The following BACE2 variants were observed in gnomAD, a reference collection of about 807,000 sequenced individuals.
BACE2 encodes the protein 56 kDa aspartic-like protease.
A neutral mutation model predicts 46.2 loss-of-function variants in BACE2; 17 were observed. That is an observed-to-expected ratio of 0.37 (90% CI 0.25 to 0.55). The LOEUF is 0.55. BACE2 is among the 20% of genes least tolerant of loss of function. The pLI is 0.82. For missense variants in BACE2, 595 were observed against 698.1 expected (o/e 0.85, Z 1.66); for synonymous variants, 277 against 295.9 (o/e 0.94, Z 0.66).
intron 3 of BACE2, among the ~76,000 whole-genome samples, chr21:41,237,942 G>T (rs2837977): frequency 6.6e-6 from 1 of 152,104 alleles, no homozygotes; most frequent in Non-Finnish European, 1.5e-5. Flanking sequence ...TGTAAGACAG[G>T]CAATAGCATT....
intron 1 of BACE2, among the ~76,000 whole-genome samples, chr21:41,224,542 G>T (rs1234001496): frequency 6.6e-6 from 1 of 152,140 alleles, no homozygotes; most frequent in Admixed American, 6.5e-5. Flanking sequence ...AACCTTTTGG[G>T]CTATATCTAC....
rs116152002 is a variant in BACE2, at chr21:41,274,802, G to A, written c.1304-569G>A. Among the ~76,000 whole-genome samples, 1,522 of 152,270 alleles carry A rather than the reference G, an allele frequency of 1.0e-2. 22 individuals are homozygous for A. Among genetic ancestry groups the A allele is most frequent in the African/African-American group, 0.035 (1,450 of 41,544 alleles). ...GGGGCAGGGAGGGTCTCTCAAGCCA[G>A]CCTGACCCCCGGAGGTCTCACAACC... On this transcript the variant is annotated intron_variant, in intron 8 of 8. Transcript: ENST00000330333.
At chr21:41,170,933 T>G (rs918877579) in intron 1 of BACE2, among the ~76,000 whole-genome samples, 7 of 152,122 alleles carry the variant, frequency 4.6e-5, no homozygotes, top group African/African-American at 1.7e-4. Context: ...TTATACGCAT[T>G]TGGGGGTGGG....
At chr21:41,256,661 T>G (rs1264757392) in intron 7 of BACE2, among the ~76,000 whole-genome samples, 1 of 152,224 alleles carries the variant, frequency 6.6e-6, no homozygotes, top group East Asian at 1.9e-4. Flanking sequence ...AGCCCCACTT[T>G]GACTTGTCCT....
chr21:41,209,648 A>G (rs1077339), intron 1 of BACE2, among the ~76,000 whole-genome samples: 49,592 of 152,018 alleles, frequency 0.33, 8,772 homozygotes, highest in Middle Eastern at 0.45. Flanking sequence ...CTCTTTATTA[A>G]CCCAGGGTAC....
chr21:41,239,230 C>T (rs1048151865), intron 3 of BACE2, among the ~76,000 whole-genome samples: 1 of 152,082 alleles, frequency 6.6e-6, no homozygotes, highest in East Asian at 1.9e-4. Flanking sequence ...GCCCTTGGCC[C>T]CTCCAAGGAG....
rs111742458 is a variant in BACE2 at position 41,199,488 on chromosome 21, C to G, written c.313-26778C>G. Among the ~76,000 whole-genome samples the G allele has an allele frequency of 6.6e-3, 1,008 of 152,160 alleles. 4 individuals are homozygous for G. Among genetic ancestry groups the G allele is most frequent in the African/African-American group, 0.023 (936 of 41,506 alleles). On this transcript the variant is annotated intron_variant, in intron 1 of 8. Transcript: ENST00000330333. ...GACGGAAGTGTCTTGTCTGGGTGCC[C>G]CGGGGAAAGTAGTACCACCCAGTGT... is the stretch of plus-strand genomic sequence containing the variant.
intron 6 of BACE2, among the ~76,000 whole-genome samples, chr21:41,247,843 G>A (rs79766648): frequency 0.02 from 3,075 of 152,330 alleles, 118 homozygotes; most frequent in African/African-American, 0.068. Flanking sequence ...GGCAGGGAAA[G>A]CATCACAAGG....
chr21:41,244,864 T>TGTGTGTGTGTGTGTGTGA, intron 5 of BACE2, among the ~76,000 whole-genome samples: 1 of 81,512 alleles, frequency 1.2e-5, no homozygotes, highest in East Asian at 4.2e-4. Flanking sequence ...ACAAAACCTC[T>TGTGTGTGTGTGTGTGTGA]GTGTGTGTGT....
At chr21:41,258,857 T>C (rs1283640477) in intron 8 of BACE2, among the ~76,000 whole-genome samples, 4 of 152,214 alleles carry the variant, frequency 2.6e-5, no homozygotes, top group Admixed American at 2.6e-4. Flanking sequence ...TGTGTAAATG[T>C]TTACCTTATG....
At chr21:41,213,810 C>T (rs751613392) in intron 1 of BACE2, among the ~76,000 whole-genome samples, 19 of 152,018 alleles carry the variant, frequency 1.2e-4, no homozygotes, top group Admixed American at 2.0e-4. Context: ...GGGCAGGGCC[C>T]GGCATGGGGA....
At chr21:41,245,830 C>T in intron 5 of BACE2, 132 bp from the exon 6 acceptor site, 5 of 623,210 alleles carry the variant, frequency 8.0e-6, no homozygotes, top group South Asian at 5.9e-5. Flanking sequence ...GAATGAACTA[C>T]ACAGTCCATG....
intron 1 of BACE2, chr21:41,180,293 G>A (rs1985066072): frequency 5.7e-6 from 1 of 175,758 alleles, no homozygotes; most frequent in Non-Finnish European, 1.4e-5. Context: ...GAGTGCCTGA[G>A]CCCCACTTCC....
At chr21:41,206,144 A>G (rs1009100767) in intron 1 of BACE2, among the ~76,000 whole-genome samples, 7 of 152,164 alleles carry the variant, frequency 4.6e-5, no homozygotes, top group Admixed American at 2.6e-4. Context: ...ATGTCAATGT[A>G]TTTCTCTTAG....
Position 41,174,029 on chromosome 21 carries a change from G to A in BACE2, c.312+5454G>A, listed in dbSNP as rs567887169. Among the ~76,000 whole-genome samples, 100 of 150,940 alleles carry A rather than the reference G, an allele frequency of 6.6e-4. No individual in the cohort carries two copies. The South Asian group carries it at 8.6e-3, about 13-fold the overall frequency. On this transcript the variant is annotated intron_variant, in intron 1 of 8. Transcript: ENST00000330333. ...ATACTCATCCCTGATCTCCTTGTGT[G>A]ATCTCCTTGTTGTAGGTAAGTTGGC...
At chr21:41,275,232 C>A in intron 8 of BACE2, 139 bp from the exon 9 acceptor site, 1 of 1,189,182 alleles carries the variant, frequency 8.4e-7, no homozygotes, top group Non-Finnish European at 1.2e-6. Flanking sequence ...CCACTCAGTG[C>A]TTCCTGAGCT....
At chr21:41,249,632 C>G (rs373357301) in intron 6 of BACE2, among the ~76,000 whole-genome samples, 3 of 152,200 alleles carry the variant, frequency 2.0e-5, no homozygotes, top group African/African-American at 7.2e-5. Context: ...ACCTCCCCAG[C>G]GCCTGCTTGG....
At chr21:41,231,347 G>T (rs1259622606) in intron 2 of BACE2, among the ~76,000 whole-genome samples, 4 of 152,144 alleles carry the variant, frequency 2.6e-5, no homozygotes, top group Admixed American at 6.5e-5. Flanking sequence ...ATTAAGAGGG[G>T]CATCCGGTCA....
rs544280985 is a variant in BACE2 at position 41,207,855 on chromosome 21, G to T, written c.313-18411G>T. ...AGTGAGAATCAGACCCTGGTCGGGG[G>T]TGATCCCTGAAGGCAACGCAGTCAT... On this transcript the variant is annotated intron_variant, in intron 1 of 8. Transcript: ENST00000330333. Among the ~76,000 whole-genome samples the T allele has an allele frequency of 3.3e-5, 5 of 152,326 alleles. No homozygotes were observed. In the East Asian group the frequency reaches 9.6e-4, roughly 29 times the overall value.
Sources: gnomAD v4.1 joint callset for allele counts (sites outside exome capture counted in the v4.1 genomes callset) on GRCh38, gnomAD v4.1.1 for gene constraint, MANE v1.5 for transcripts, NCBI Gene and HGNC (gene_info 2026-07-23, HGNC 2026-07-21) for gene names.